Variants in TMEM117 observed in about 807,000 individuals in gnomAD.
TMEM117 encodes the protein transmembrane protein 117.
A neutral mutation model predicts 52.4 loss-of-function variants in TMEM117; 27 were observed. That is an observed-to-expected ratio of 0.51 (90% CI 0.38 to 0.71). The LOEUF is 0.71. TMEM117 is among the 30% of genes least tolerant of loss of function. The pLI is 0.00. For missense variants in TMEM117, 556 were observed against 630.5 expected, an observed-to-expected ratio of 0.88 and a Z score of 1.26; for synonymous variants, 215 against 206.3, an observed-to-expected ratio of 1.04 and a Z score of -0.36.
At chr12:43,860,272 T>A (rs1320608687) in intron 2 of TMEM117, among the ~76,000 whole-genome samples, 1 of 151,844 alleles carries the variant, frequency 6.6e-6, no homozygotes, top group East Asian at 1.9e-4. Flanking sequence ...ATTTGTCTCA[T>A]TTGCAAAGTA....
At chr12:44,144,277 T>A (rs1948611315) in intron 4 of TMEM117, among the ~76,000 whole-genome samples, 1 of 152,226 alleles carries the variant, frequency 6.6e-6, no homozygotes, top group African/African-American at 2.4e-5. Flanking sequence ...TGGGTTAAAA[T>A]TTAAAGATAG....
intron 5 of TMEM117, among the ~76,000 whole-genome samples, chr12:44,299,128 ATTTTTTT>A (rs375671360): frequency 8.0e-6 from 1 of 125,418 alleles, no homozygotes; most frequent in Non-Finnish European, 1.6e-5. Context: ...AAGGCATTTA[ATTTTTTT>A]TTTTTTTTTT....
intron 2 of TMEM117, among the ~76,000 whole-genome samples, chr12:43,943,238 T>TA (rs1945075445): frequency 1.3e-5 from 2 of 151,614 alleles, no homozygotes; most frequent in Non-Finnish European, 2.9e-5. Context: ...TACTCTATTT[T>TA]AATTGTAGTT....
intron 6 of TMEM117, among the ~76,000 whole-genome samples, chr12:44,323,252 TA>T (rs1339923546): frequency 2.6e-5 from 4 of 152,184 alleles, no homozygotes; most frequent in African/African-American, 9.6e-5. Context: ...ATCTTTAAAA[TA>T]ATAAAGTTCT....
At chr12:43,883,551 T>C (rs1034885267) in intron 2 of TMEM117, among the ~76,000 whole-genome samples, 3 of 152,236 alleles carry the variant, frequency 2.0e-5, no homozygotes, top group Non-Finnish European at 4.4e-5. Context: ...AAACCACTTA[T>C]TGCCTTTCAG....
At chr12:43,803,899 G>C in the TMEM117 span, among the ~76,000 whole-genome samples, 1 of 151,954 alleles carries the variant, frequency 6.6e-6, no homozygotes, top group East Asian at 1.9e-4. Flanking sequence ...TTATGACTGA[G>C]TACCTATAAC....
chr12:44,197,711 A>G (rs1345463721), intron 4 of TMEM117, among the ~76,000 whole-genome samples: 1 of 152,176 alleles, frequency 6.6e-6, no homozygotes, highest in Non-Finnish European at 1.5e-5. Flanking sequence ...TTGATTGTGT[A>G]TATTTCTGTA....
chr12:44,316,891 G>T (rs566291177), intron 6 of TMEM117, among the ~76,000 whole-genome samples: 2 of 151,284 alleles, frequency 1.3e-5, no homozygotes, highest in East Asian at 1.9e-4. Flanking sequence ...ATTGTATTTT[G>T]AAATTCTTTA....
chr12:44,115,767 A>G (rs1230076805), intron 3 of TMEM117, among the ~76,000 whole-genome samples: 1 of 152,196 alleles, frequency 6.6e-6, no homozygotes, highest in Non-Finnish European at 1.5e-5. Context: ...AACAGCTACT[A>G]TGTGTACTAT....
intron 4 of TMEM117, among the ~76,000 whole-genome samples, chr12:44,189,475 A>G (rs549146643): frequency 2.2e-4 from 34 of 152,334 alleles, no homozygotes; most frequent in Admixed American, 1.0e-3. Context: ...TCCAGGCAAT[A>G]AAAGTATTTA....
chr12:44,311,546 T>C (rs1376573125), intron 6 of TMEM117, among the ~76,000 whole-genome samples: 1 of 151,698 alleles, frequency 6.6e-6, no homozygotes, highest in African/African-American at 2.4e-5. Context: ...ATGCAGAAGG[T>C]TGAGAAGACT....
intron 3 of TMEM117, among the ~76,000 whole-genome samples, chr12:44,082,294 T>TC (rs1947494046): frequency 6.6e-6 from 1 of 151,962 alleles, no homozygotes; most frequent in Non-Finnish European, 1.5e-5. Context: ...CAACATTTTT[T>TC]CTCTACGAAT....
chr12:44,132,634 G>A (rs1017911331), intron 3 of TMEM117, among the ~76,000 whole-genome samples: 4 of 152,046 alleles, frequency 2.6e-5, no homozygotes, highest in African/African-American at 4.8e-5. Flanking sequence ...GACCATCCCC[G>A]TTCCTCAACC....
chr12:43,891,523 C>T (rs1316149344), intron 2 of TMEM117, among the ~76,000 whole-genome samples: 1 of 151,718 alleles, frequency 6.6e-6, no homozygotes, highest in African/African-American at 2.4e-5. Flanking sequence ...CAGGCACCCA[C>T]CACCATGCCC....
the TMEM117 span, among the ~76,000 whole-genome samples, chr12:43,812,563 A>T: frequency 6.6e-6 from 1 of 152,198 alleles, no homozygotes; most frequent in Non-Finnish European, 1.5e-5. Flanking sequence ...CTGTTCAATT[A>T]TCAGGTTAGC....
chr12:43,967,336 C>G (rs1483264339), intron 3 of TMEM117, among the ~76,000 whole-genome samples: 1 of 152,034 alleles, frequency 6.6e-6, no homozygotes, highest in Non-Finnish European at 1.5e-5. Context: ...GTTTCCCAGG[C>G]TGGTCTTGAA....
intron 3 of TMEM117, among the ~76,000 whole-genome samples, chr12:43,995,939 T>G (rs1001799748): frequency 6.6e-6 from 1 of 152,230 alleles, no homozygotes; most frequent in African/African-American, 2.4e-5. Flanking sequence ...ACAATTACTG[T>G]AGAAGTCACA....
intron 3 of TMEM117, among the ~76,000 whole-genome samples, chr12:44,125,880 CT>C (rs1948316194): frequency 6.6e-6 from 1 of 152,070 alleles, no homozygotes; most frequent in African/African-American, 2.4e-5. Context: ...CTTAACAGTG[CT>C]TTAGCTGTAT....
At chr12:44,228,802 A>G (rs1314905468) in intron 5 of TMEM117, among the ~76,000 whole-genome samples, 1 of 152,180 alleles carries the variant, frequency 6.6e-6, no homozygotes, top group African/African-American at 2.4e-5. Context: ...GTGGAGGGTC[A>G]TTTGAGATAT....
Sources: gnomAD v4.1 joint callset for allele counts (sites outside exome capture counted in the v4.1 genomes callset) on GRCh38, gnomAD v4.1.1 for gene constraint, MANE v1.5 for transcripts, NCBI Gene and HGNC (gene_info 2026-07-23, HGNC 2026-07-21) for gene names.